HPN: variants seen among roughly 807,000 people sequenced by gnomAD.
HPN encodes the protein serine protease hepsin.
A neutral mutation model predicts 55.9 loss-of-function variants in HPN; 13 were observed. That is an observed-to-expected ratio of 0.23 (90% CI 0.15 to 0.37). HPN has a LOEUF of 0.37. HPN is among the 10% of genes least tolerant of loss of function. HPN has a pLI of 1.00. For synonymous variants in HPN, 225 were observed against 240.3 expected, an observed-to-expected ratio of 0.94 and a Z score of 0.59; for missense variants, 451 against 575.8, an observed-to-expected ratio of 0.78 and a Z score of 2.22.
At chr19:35,065,810 GGT>G (rs2064601457) in intron 11 of HPN, 56 bp from the exon 12 acceptor site, 14 of 1,517,942 alleles carry the variant, frequency 9.2e-6, no homozygotes, top group South Asian at 1.1e-5. Context: ...GTCATCCCGG[GGT>G]GGGCCTCCTG....
intron 9 of HPN, among the ~76,000 whole-genome samples, chr19:35,061,221 G>A (rs2064528132): frequency 6.6e-6 from 1 of 152,208 alleles, no homozygotes; most frequent in Admixed American, 6.5e-5. Flanking sequence ...ATATTGACCG[G>A]GCGCGGTGGC....
chr19:35,046,276 G>C (rs1436979903), intron 2 of HPN, among the ~76,000 whole-genome samples: 1 of 150,102 alleles, frequency 6.7e-6, no homozygotes, highest in African/African-American at 2.5e-5. Context: ...ACAGAGTCTC[G>C]CTCTGTTGCC....
At chr19:35,061,214 T>C (rs926748252) in intron 9 of HPN, among the ~76,000 whole-genome samples, 5 of 152,148 alleles carry the variant, frequency 3.3e-5, no homozygotes, top group African/African-American at 1.2e-4. Context: ...ATGTGGTATA[T>C]TGACCGGGCG....
intron 4 of HPN, among the ~76,000 whole-genome samples, chr19:35,057,961 G>T (rs898724941): frequency 1.3e-5 from 2 of 151,932 alleles, no homozygotes; most frequent in Non-Finnish European, 2.9e-5. Flanking sequence ...GACTAGCCTG[G>T]CCAACATGGT....
chr19:35,066,239 C>T lies in HPN; in HGVS notation c.1216-10C>T. On this transcript the variant is annotated splice_polypyrimidine_tract_variant and intron_variant, in intron 12 of 12. Coordinates refer to ENST00000672452, the MANE Select transcript of HPN (RefSeq NM_001384133.1). ...TCAGACCTCGGGAGCCCCCAGCTGT[C>T]TTTCCCCAGACTCACTCCGAAGCCA... is the stretch of plus-strand genomic sequence containing the variant. 1 of 1,614,032 alleles carries T rather than the reference C, an allele frequency of 6.2e-7. No homozygotes were observed. The highest frequency in any genetic ancestry group is 8.5e-7 in the Non-Finnish European group (1 of 1,179,956).
At chr19:35,054,247 G>A (rs960768862) in intron 4 of HPN, among the ~76,000 whole-genome samples, 2 of 152,108 alleles carry the variant, frequency 1.3e-5, no homozygotes, top group Non-Finnish European at 1.5e-5. Flanking sequence ...GTGAAACGCT[G>A]TTTCTACTAA....
chr19:35,048,082 A>AAGAAAGAAAGAAAGAGAAAAAAGG (rs111546288), intron 2 of HPN, among the ~76,000 whole-genome samples: 3 of 96,984 alleles, frequency 3.1e-5, no homozygotes, highest in Non-Finnish European at 6.2e-5. Context: ...GAAAGAAAGA[A>AAGAAAGAAAGAAAGAGAAAAAAGG]AAGGAAGGAA....
intron 2 of HPN, among the ~76,000 whole-genome samples, chr19:35,046,983 T>G (rs963207144): frequency 6.6e-6 from 1 of 152,084 alleles, no homozygotes. Flanking sequence ...TGCCTGCCAC[T>G]GCGCCCGGCT....
intron 4 of HPN, 72 bp downstream of exon 4, chr19:35,049,588 C>A: frequency 2.5e-5 from 34 of 1,343,882 alleles, no homozygotes; most frequent in Non-Finnish European, 3.3e-5. Context: ...GCTCAACAAG[C>A]GTATTTGTTG....
In HPN at chr19:35,047,271, C is replaced by T. The variant is rs146317914; in HGVS notation, c.17-2019C>T. On this transcript the variant is annotated intron_variant, in intron 2 of 12. Transcript: ENST00000672452. ...GGCCATCTGGCCATCTCGATGGCCT[C>T]TCCAGCCTCTGACATAAGAGAGCCT... Among the ~76,000 whole-genome samples, 8 of 152,374 alleles carry T rather than the reference C, an allele frequency of 5.3e-5. No individual in the cohort carries two copies. In the East Asian group the frequency reaches 1.5e-3, roughly 29 times the overall value.
Position 35,060,445 on chromosome 19 carries a change from G to A in HPN, c.553G>A (p.Ala185Thr), listed in dbSNP as rs1002926157. Residue 185 changes from alanine to threonine, a missense_variant, in exon 8 of 13, where the codon GCA (alanine) becomes ACA (threonine). By Grantham distance (58) the Ala-to-Thr change is moderately conservative. This residue lies in a region of HPN where 378 missense variants were observed against 445.5 expected (regional missense o/e 0.85). Coordinates refer to ENST00000672452, the MANE Select transcript of HPN (RefSeq NM_001384133.1). ...GCAAGTCAGCCTTCGCTATGATGGA[G>A]CACACCTCTGTGGGGGATCCCTGCT... is the stretch of plus-strand genomic sequence containing the variant. ...PWQVSLRYDG[A>T]HLCGGSLLSG... The A allele has an allele frequency of 5.0e-6, 8 of 1,613,310 alleles. No homozygotes were observed. The African/African-American group carries it at 6.7e-5, about 13-fold the overall frequency.
chr19:35,058,106 T>C (rs923137601), intron 4 of HPN, among the ~76,000 whole-genome samples: 1 of 151,008 alleles, frequency 6.6e-6, no homozygotes, highest in African/African-American at 2.4e-5. Context: ...TGAGCTGAGA[T>C]TGCACCACTG....
At chr19:35,053,784 G>GC (rs554000910) in intron 4 of HPN, among the ~76,000 whole-genome samples, 296 of 151,520 alleles carry the variant, frequency 2.0e-3, no homozygotes, top group African/African-American at 6.9e-3. Context: ...ATAAGAATCC[G>GC]CCCCCCTCCC....
At position 35,066,011 on chromosome 19, in the gene HPN, G is replaced by T. The variant is rs764645123; in HGVS notation, c.1194G>T (p.Glu398Asp). The change falls in exon 12 of 13, where the codon GAG becomes GAT. Residue 398 changes from glutamate (E) to aspartate (D), a missense_variant. Transcript: ENST00000672452. ...ACACCAAAGTCAGTGACTTCCGGGA[G>T]TGGATCTTCCAGGCCATAAAGGTGA... ...GVYTKVSDFR[E>D]WIFQAIKTHS... 6 of 1,611,732 alleles carry T rather than the reference G, an allele frequency of 3.7e-6. No individual in the cohort carries two copies. Among genetic ancestry groups the T allele is most frequent in the Non-Finnish European group, 4.2e-6 (5 of 1,180,030 alleles).
chr19:35,042,798 C>G lies in HPN; in HGVS notation c.16+276C>G, dbSNP rs2064307377. On this transcript the variant is annotated intron_variant, in intron 2 of 12. Coordinates refer to ENST00000672452, the MANE Select transcript of HPN (RefSeq NM_001384133.1). ...CAGTGATTTCTCAGCTAACTCTGGACTTGTCCTCTGCTGGGGCTGAGGCGG... is the reference window on the plus strand; with the variant it reads ...CAGTGATTTCTCAGCTAACTCTGGAGTTGTCCTCTGCTGGGGCTGAGGCGG... Among the ~76,000 whole-genome samples the G allele has an allele frequency of 3.3e-5, 5 of 152,332 alleles. No homozygotes were observed. The South Asian group carries it at 1.0e-3, about 32-fold the overall frequency.
At chr19:35,047,101 T>C (rs936751453) in intron 2 of HPN, among the ~76,000 whole-genome samples, 1 of 152,190 alleles carries the variant, frequency 6.6e-6, no homozygotes, top group Non-Finnish European at 1.5e-5. Context: ...GTGCTGGGAT[T>C]ACAGGCGTGA....
At chr19:35,056,976 G>A (rs1427774997) in intron 4 of HPN, among the ~76,000 whole-genome samples, 1 of 152,074 alleles carries the variant, frequency 6.6e-6, no homozygotes, top group South Asian at 2.1e-4. Context: ...AGTCAAGATT[G>A]GCAGTCTGGT....
intron 9 of HPN, among the ~76,000 whole-genome samples, chr19:35,062,480 A>C (rs2064547525): frequency 6.6e-6 from 1 of 152,232 alleles, no homozygotes; most frequent in Non-Finnish European, 1.5e-5. Context: ...AATTCCCTGG[A>C]GTATTCCCTT....
In HPN at chr19:35,066,568, G is replaced by A. The variant is rs1001380376; in HGVS notation, c.*281G>A. On this transcript the variant is annotated 3_prime_UTR_variant, in exon 13 of 13. Transcript: ENST00000672452. ...CTCTTTAAATAATAAAGATGGTTTT[G>A]ATTAATGTGGCCTCCGAGCTTACAA... is the stretch of plus-strand genomic sequence containing the variant. 2.0e-6 allele frequency: 1 copy of A among 495,214 alleles called. No individual in the cohort carries two copies. The allele number at this position is 495,214 out of a possible 1,614,324, so 30.7% of individuals were successfully genotyped here.
Sources: gnomAD v4.1 joint callset for allele counts (sites outside exome capture counted in the v4.1 genomes callset) on GRCh38, gnomAD v4.1.1 for gene constraint, gnomAD v4.1.1 regional missense constraint, MANE v1.5 for transcripts, NCBI Gene and HGNC (gene_info 2026-07-23, HGNC 2026-07-21) for gene names.